The following MARCHF1 variants were observed in gnomAD, a reference collection of about 807,000 sequenced individuals.
The protein encoded by MARCHF1 is membrane associated ring-CH-type finger 1, also known as E3 ubiquitin-protein ligase MARCHF1.
MARCHF1 carries 40 observed loss-of-function variants against 54.2 expected under a neutral mutation model. The ratio of observed to expected loss-of-function variants is 0.74; its 90% CI spans 0.57 to 0.96. MARCHF1 has a LOEUF of 0.96. MARCHF1 is among the 40% of genes least tolerant of loss of function. MARCHF1 has a pLI of 0.00. For synonymous variants in MARCHF1, 236 were observed against 236.3 expected (o/e 1.00, Z 0.01); for missense variants, 586 against 656.5 (o/e 0.89, Z 1.17).
intron 4 of MARCHF1, among the ~76,000 whole-genome samples, chr4:163,737,524 T>C (rs1215906346): frequency 9.5e-6 from 1 of 105,290 alleles, no homozygotes; most frequent in African/African-American, 2.9e-5. Flanking sequence ...ATTTCATCCA[T>C]GTCCCTACAA....
At position 163,630,122 on chromosome 4, in the gene MARCHF1, C is replaced by A. The variant is rs1014068104; in HGVS notation, c.163-16729G>T. Among the ~76,000 whole-genome samples, 49 of 152,186 alleles carry A rather than the reference C, an allele frequency of 3.2e-4. 1 individual carries two copies. The highest frequency in any genetic ancestry group is 1.1e-3 in the African/African-American group (46 of 41,444). On this transcript the variant is annotated intron_variant, in intron 5 of 9. Transcript: ENST00000514618. ...AATTATGTCATATGTCTACCCACATCATGATTCATACATGAATGTTTATAG... is the reference window on the plus strand; with the variant it reads ...AATTATGTCATATGTCTACCCACATAATGATTCATACATGAATGTTTATAG...
intron 4 of MARCHF1, among the ~76,000 whole-genome samples, chr4:163,757,967 GATTTA>G (rs1303253600): frequency 6.6e-6 from 1 of 151,914 alleles, no homozygotes; most frequent in African/African-American, 2.4e-5. Context: ...TTAATTTCAT[GATTTA>G]ATTTTTCTGT....
At chr4:164,189,071 C>A (rs908486516) in intron 1 of MARCHF1, 2 of 686,378 alleles carry the variant, frequency 2.9e-6, no homozygotes, top group Admixed American at 2.1e-5. Context: ...ACCTTCAATG[C>A]GTCTCCTCTC....
At chr4:164,358,975 A>G (rs188836430) in intron 1 of MARCHF1, among the ~76,000 whole-genome samples, 1 of 152,280 alleles carries the variant, frequency 6.6e-6, no homozygotes, top group Admixed American at 6.5e-5. Flanking sequence ...GGAAAATATG[A>G]TAATACATTA....
At chr4:164,125,550 GATT>G (rs1026172192) in intron 1 of MARCHF1, among the ~76,000 whole-genome samples, 7 of 152,140 alleles carry the variant, frequency 4.6e-5, no homozygotes, top group Admixed American at 1.3e-4. Flanking sequence ...CTCCTGAAAT[GATT>G]ATTATTTACA....
chr4:163,904,987 G>T (rs1007624600), intron 3 of MARCHF1, among the ~76,000 whole-genome samples: 2 of 152,002 alleles, frequency 1.3e-5, no homozygotes, highest in African/African-American at 4.8e-5. Flanking sequence ...TTGTGATTAT[G>T]CTGCATTACA....
Position 164,235,789 on chromosome 4 carries a change from A to G in MARCHF1, c.-322-124127T>C, listed in dbSNP as rs149910616. On this transcript the variant is annotated intron_variant, in intron 1 of 9. Transcript: ENST00000514618. ...AAAAAAACCAGTACACATTAGGTAC[A>G]ATGTATACTACTCGGGTGATGGGTG... 1.4e-3 allele frequency among the ~76,000 whole-genome samples: 212 copies of G among 152,224 alleles called. 1 individual carries two copies. The highest frequency in any genetic ancestry group is 4.9e-3 in the African/African-American group (204 of 41,550).
chr4:163,621,230 T>C (rs893967305), intron 5 of MARCHF1, among the ~76,000 whole-genome samples: 1 of 152,214 alleles, frequency 6.6e-6, no homozygotes, highest in Admixed American at 6.5e-5. Flanking sequence ...AACTCAATGG[T>C]ATTCTCCTGT....
At chr4:164,318,202 G>A (rs1392996083) in intron 1 of MARCHF1, among the ~76,000 whole-genome samples, 1 of 152,146 alleles carries the variant, frequency 6.6e-6, no homozygotes, top group Non-Finnish European at 1.5e-5. Context: ...CACAGTAATT[G>A]TTCAAAAAAT....
intron 2 of MARCHF1, among the ~76,000 whole-genome samples, chr4:163,994,323 T>G (rs952778010): frequency 1.0e-4 from 14 of 140,214 alleles, no homozygotes; most frequent in Non-Finnish European, 2.0e-4. Context: ...GGAGGAAGCA[T>G]TCTCACACAG....
chr4:163,736,879 C>T (rs958626665), intron 4 of MARCHF1, among the ~76,000 whole-genome samples: 6 of 152,150 alleles, frequency 3.9e-5, no homozygotes, highest in Non-Finnish European at 8.8e-5. Context: ...ATACTGTCTT[C>T]ATACTTTTTA....
intron 1 of MARCHF1, among the ~76,000 whole-genome samples, chr4:164,374,597 C>T (rs1047988077): frequency 6.6e-6 from 1 of 152,104 alleles, no homozygotes; most frequent in African/African-American, 2.4e-5. Flanking sequence ...GACTCATCTT[C>T]TCTACCATGA....
At chr4:164,236,839 C>T (rs1283171337) in intron 1 of MARCHF1, among the ~76,000 whole-genome samples, 1 of 152,096 alleles carries the variant, frequency 6.6e-6, no homozygotes, top group Non-Finnish European at 1.5e-5. Context: ...AATGTAAAAA[C>T]TATAATTTCT....
At chr4:163,788,209 AATATC>A (rs761697952) in intron 4 of MARCHF1, among the ~76,000 whole-genome samples, 3 of 152,078 alleles carry the variant, frequency 2.0e-5, no homozygotes, top group East Asian at 3.9e-4. Flanking sequence ...AGACAAATTT[AATATC>A]ATATATGTTT....
chr4:163,609,238 T>C (rs1471848587), intron 7 of MARCHF1, among the ~76,000 whole-genome samples: 1 of 152,052 alleles, frequency 6.6e-6, no homozygotes, highest in Admixed American at 6.6e-5. Context: ...TGGAATGTCA[T>C]TGTAACCACA....
intron 3 of MARCHF1, among the ~76,000 whole-genome samples, chr4:163,925,821 C>T (rs1020208883): frequency 6.6e-6 from 1 of 151,336 alleles, no homozygotes; most frequent in Non-Finnish European, 1.5e-5. Flanking sequence ...AATATGTGGA[C>T]AGAAAATTTG....
chr4:163,832,162 T>C (rs189414585), intron 4 of MARCHF1, among the ~76,000 whole-genome samples: 305 of 152,324 alleles, frequency 2.0e-3, no homozygotes, highest in African/African-American at 4.5e-3. Flanking sequence ...TGGAGGTACA[T>C]GACAAAAGGA....
At position 163,632,692 on chromosome 4, in the gene MARCHF1, G is replaced by C. The variant is rs1455108812; in HGVS notation, c.163-19299C>G. Among the ~76,000 whole-genome samples, 5 of 152,226 alleles carry C rather than the reference G, an allele frequency of 3.3e-5. No homozygotes were observed. The East Asian group carries it at 7.7e-4, about 23-fold the overall frequency. On this transcript the variant is annotated intron_variant, in intron 5 of 9. Transcript: ENST00000514618. ...GGGAGGGGCGCCCACCATTGCCCAG[G>C]CTTGCTTAGGTAAACAAAGCAGCCT...
chr4:164,183,615 TG>T (rs1399805584), intron 1 of MARCHF1, among the ~76,000 whole-genome samples: 1 of 152,224 alleles, frequency 6.6e-6, no homozygotes, highest in Non-Finnish European at 1.5e-5. Flanking sequence ...TTTGTTTAAA[TG>T]TACATTTTTA....
Sources: gnomAD v4.1 joint callset for allele counts (sites outside exome capture counted in the v4.1 genomes callset) on GRCh38, gnomAD v4.1.1 for gene constraint, MANE v1.5 for transcripts, NCBI Gene and HGNC (gene_info 2026-07-23, HGNC 2026-07-21) for gene names.